The following NOS1AP variants were observed in gnomAD, a reference collection of about 807,000 sequenced individuals.
NOS1AP encodes the protein carboxyl-terminal PDZ ligand of neuronal nitric oxide synthase protein.
A neutral mutation model predicts 56.2 loss-of-function variants in NOS1AP; 21 were observed. That is an observed-to-expected ratio of 0.37 (90% CI 0.26 to 0.54). NOS1AP has a LOEUF of 0.54. Among genes scored for constraint, NOS1AP ranks in the 20% least tolerant of loss-of-function variants. The pLI is 0.84. For synonymous variants in NOS1AP, 270 were observed against 274.6 expected (o/e 0.98, Z 0.17); for missense variants, 522 against 657.8 (o/e 0.79, Z 2.26).
intron 2 of NOS1AP, among the ~76,000 whole-genome samples, chr1:162,236,414 A>G (rs897463634): frequency 6.6e-6 from 1 of 152,194 alleles, no homozygotes; most frequent in Non-Finnish European, 1.5e-5. Context: ...GCCCTTCACA[A>G]CATACCATTC....
At chr1:162,176,339 C>T (rs1409462213) in intron 2 of NOS1AP, among the ~76,000 whole-genome samples, 1 of 152,024 alleles carries the variant, frequency 6.6e-6, no homozygotes, top group Non-Finnish European at 1.5e-5. Flanking sequence ...AACCCTATCC[C>T]CAAACCCCTG....
chr1:162,245,386 T>C (rs1653629543), intron 2 of NOS1AP, among the ~76,000 whole-genome samples: 1 of 152,204 alleles, frequency 6.6e-6, no homozygotes, highest in Admixed American at 6.5e-5. Flanking sequence ...TGTCAAATGT[T>C]GATGAAGATG....
intron 2 of NOS1AP, among the ~76,000 whole-genome samples, chr1:162,224,335 C>T (rs1417265879): frequency 6.6e-6 from 1 of 152,150 alleles, no homozygotes. Context: ...GGCAGTTTCT[C>T]CCTGCTTCTG....
chr1:162,261,504 GA>G lies in NOS1AP; in HGVS notation c.178-25839del, dbSNP rs1373248279. ...AGAGAGAGAGAGAGAGAGAGAGAGA[GA>G]GAGAGAGAGAGAGAGAGAGAGAGAG... On this transcript the variant is annotated intron_variant, in intron 2 of 9. Transcript: ENST00000361897. 3.6e-4 allele frequency among the ~76,000 whole-genome samples: 4 copies of G among 11,128 alleles called. 1 individual carries two copies. The highest frequency in any genetic ancestry group is 7.2e-4 in the Non-Finnish European group (4 of 5,594). 7.3% of individuals were successfully genotyped at this position (11,128 alleles called of 152,430 possible). A position where few individuals can be genotyped will look rare whatever the true frequency, so the allele number is the denominator to read the frequency against.
At chr1:162,141,153 A>G (rs182824734) in intron 1 of NOS1AP, among the ~76,000 whole-genome samples, 22 of 152,306 alleles carry the variant, frequency 1.4e-4, no homozygotes, top group East Asian at 1.2e-3. Context: ...TGGAGCTTCA[A>G]TGTGAAATAC....
intron 1 of NOS1AP, among the ~76,000 whole-genome samples, chr1:162,137,429 G>A (rs1363028034): frequency 6.6e-6 from 1 of 152,152 alleles, no homozygotes; most frequent in East Asian, 1.9e-4. Context: ...ATTGATCAGA[G>A]TTAATGGTAC....
At chr1:162,237,087 C>T (rs1271672720) in intron 2 of NOS1AP, among the ~76,000 whole-genome samples, 2 of 152,208 alleles carry the variant, frequency 1.3e-5, no homozygotes, top group African/African-American at 2.4e-5. Flanking sequence ...GGCCAGCTCA[C>T]CTTTGCTGGA....
intron 8 of NOS1AP, chr1:162,364,860 C>T (rs1229355703): frequency 1.0e-6 from 1 of 991,918 alleles, no homozygotes; most frequent in Non-Finnish European, 1.2e-6. Flanking sequence ...CTATTTCTCA[C>T]TATGTTTGGG....
intron 2 of NOS1AP, among the ~76,000 whole-genome samples, chr1:162,236,633 G>C: frequency 7.5e-6 from 1 of 132,552 alleles, no homozygotes; most frequent in East Asian, 2.0e-4. Flanking sequence ...TTGCTTTCTT[G>C]AACACTCCAG....
intron 2 of NOS1AP, among the ~76,000 whole-genome samples, chr1:162,268,851 G>A (rs1442812577): frequency 1.3e-5 from 2 of 152,012 alleles, no homozygotes; most frequent in Non-Finnish European, 2.9e-5. Flanking sequence ...GTTAGAAGAG[G>A]AAAGACTAGC....
intron 5 of NOS1AP, among the ~76,000 whole-genome samples, 165 bp from the exon 6 acceptor site, chr1:162,343,670 T>C (rs1452518299): frequency 6.6e-6 from 1 of 152,268 alleles, no homozygotes; most frequent in Non-Finnish European, 1.5e-5. Flanking sequence ...GTTTCTGTTT[T>C]CTGGAGTATT....
intron 2 of NOS1AP, among the ~76,000 whole-genome samples, chr1:162,155,333 T>C (rs1210199260): frequency 6.9e-6 from 1 of 145,086 alleles, no homozygotes; most frequent in African/African-American, 2.5e-5. Context: ...TATGTGTATA[T>C]GTATGTATGT....
At chr1:162,083,729 TC>T (rs1691941588) in intron 1 of NOS1AP, among the ~76,000 whole-genome samples, 3 of 152,310 alleles carry the variant, frequency 2.0e-5, no homozygotes, top group Admixed American at 2.0e-4. Flanking sequence ...ACCTGCAAAT[TC>T]CTTTGATTAA....
chr1:162,245,126 T>C (rs1653618410), intron 2 of NOS1AP, among the ~76,000 whole-genome samples: 1 of 152,154 alleles, frequency 6.6e-6, no homozygotes, highest in Non-Finnish European at 1.5e-5. Flanking sequence ...AGGCAATTGC[T>C]GTGAACATTC....
intron 2 of NOS1AP, among the ~76,000 whole-genome samples, chr1:162,184,873 T>C (rs1471909483): frequency 3.9e-5 from 6 of 152,266 alleles, no homozygotes; most frequent in Non-Finnish European, 8.8e-5. Flanking sequence ...TATTATTTTC[T>C]ATTGCTGCTG....
intron 1 of NOS1AP, among the ~76,000 whole-genome samples, chr1:162,126,119 A>G (rs1403951230): frequency 6.6e-6 from 1 of 152,278 alleles, no homozygotes; most frequent in South Asian, 2.1e-4. Flanking sequence ...TGATTTATGT[A>G]CATGGATTTT....
At chr1:162,117,453 C>T (rs532232622) in intron 1 of NOS1AP, among the ~76,000 whole-genome samples, 1 of 152,168 alleles carries the variant, frequency 6.6e-6, no homozygotes, top group African/African-American at 2.4e-5. Context: ...AATTCAGGTA[C>T]CCTAGCTATC....
rs142905931 is a variant in NOS1AP, at chr1:162,254,238, G to A, written c.178-33106G>A. On this transcript the variant is annotated intron_variant, in intron 2 of 9. Coordinates refer to ENST00000361897, the MANE Select transcript of NOS1AP (RefSeq NM_014697.3). ...GATTGTTTAAGTCCTCATTAAATGT[G>A]CATCATGTAACTGCAAGGCCTTCTT... is the stretch of plus-strand genomic sequence containing the variant. 1.8e-3 allele frequency among the ~76,000 whole-genome samples: 280 copies of A among 152,292 alleles called. 1 individual carries two copies. The highest frequency in any genetic ancestry group is 4.1e-3 in the African/African-American group (171 of 41,550).
intron 1 of NOS1AP, 30 bp downstream of exon 1, chr1:162,070,312 G>A: frequency 6.4e-7 from 1 of 1,567,864 alleles, no homozygotes; most frequent in South Asian, 1.1e-5. Flanking sequence ...GGTGCTACCT[G>A]TGGTGGCGGT....
Sources: gnomAD v4.1 joint callset for allele counts (sites outside exome capture counted in the v4.1 genomes callset) on GRCh38, gnomAD v4.1.1 for gene constraint, MANE v1.5 for transcripts, NCBI Gene and HGNC (gene_info 2026-07-23, HGNC 2026-07-21) for gene names.